MAP7: variants seen among roughly 807,000 people sequenced by gnomAD.
The protein encoded by MAP7 is microtubule associated protein 7, also known as ensconsin.
Under a neutral mutation model 94.8 loss-of-function variants are expected in MAP7, and 52 were observed. The ratio of observed to expected loss-of-function variants is 0.55; its 90% confidence interval spans 0.44 to 0.69. The LOEUF (loss-of-function observed/expected upper bound fraction) is 0.69. MAP7 is among the 30% of genes least tolerant of loss of function. The pLI is 0.00. For missense variants in MAP7, 940 were observed against 964.6 expected (o/e 0.97, Z 0.34); for synonymous variants, 350 against 357.0 (o/e 0.98, Z 0.22).
Position 136,424,479 on chromosome 6 carries a change from G to T in MAP7, c.68-2680C>A, listed in dbSNP as rs1230251870. ...GTGTTGAGGTAAAGACAAGAGGAAG[G>T]ATACAAACAAGCACCCTGGTGGTCT... is the stretch of plus-strand genomic sequence containing the variant. On this transcript the variant is annotated intron_variant, in intron 1 of 17. Coordinates refer to ENST00000354570, the MANE Select transcript of MAP7 (RefSeq NM_003980.6). 3.3e-5 allele frequency among the ~76,000 whole-genome samples: 5 copies of T among 152,268 alleles called. No individual in the cohort carries two copies. In the East Asian group the frequency reaches 9.7e-4, roughly 29 times the overall value.
chr6:136,478,979 C>CAAAAAAAAAA (rs59319740), intron 1 of MAP7, among the ~76,000 whole-genome samples: 2 of 45,534 alleles, frequency 4.4e-5, no homozygotes, highest in Non-Finnish European at 6.2e-5. Context: ...ACAGACACAT[C>CAAAAAAAAAA]AAAAAAAAAA....
intron 7 of MAP7, 60 bp downstream of exon 7, chr6:136,377,695 G>T (rs980530028): frequency 1.2e-4 from 146 of 1,255,458 alleles, no homozygotes; most frequent in East Asian, 3.0e-4. Context: ...GTGATTAGAC[G>T]AATATGCTTC....
At chr6:136,486,930 T>C (rs1002012717) in intron 1 of MAP7, among the ~76,000 whole-genome samples, 10 of 152,134 alleles carry the variant, frequency 6.6e-5, no homozygotes, top group Non-Finnish European at 1.2e-4. Context: ...TATAAAAGGT[T>C]AAACATCCCA....
At chr6:136,434,680 C>T (rs1026334883) in intron 1 of MAP7, among the ~76,000 whole-genome samples, 3 of 151,508 alleles carry the variant, frequency 2.0e-5, no homozygotes, top group Admixed American at 1.3e-4. Flanking sequence ...ATTTTGGAAC[C>T]TATTGAACAT....
At chr6:136,469,528 C>T (rs1808274757) in intron 1 of MAP7, among the ~76,000 whole-genome samples, 1 of 152,054 alleles carries the variant, frequency 6.6e-6, no homozygotes, top group Non-Finnish European at 1.5e-5. Flanking sequence ...ACCACAGGGG[C>T]ATGCCACCAT....
chr6:136,467,338 T>C (rs925248742), intron 1 of MAP7, among the ~76,000 whole-genome samples: 3 of 152,286 alleles, frequency 2.0e-5, no homozygotes, highest in Admixed American at 6.5e-5. Context: ...AAGGCGATCA[T>C]TTAAAATCAG....
intron 3 of MAP7, among the ~76,000 whole-genome samples, chr6:136,401,887 ACT>A (rs1175992201): frequency 2.0e-5 from 3 of 151,744 alleles, no homozygotes; most frequent in Non-Finnish European, 4.4e-5. Flanking sequence ...ACTACTTTAA[ACT>A]CTCATTCCTT....
At chr6:136,516,141 G>A (rs1824748027) in intron 1 of MAP7, among the ~76,000 whole-genome samples, 1 of 151,518 alleles carries the variant, frequency 6.6e-6, no homozygotes, top group African/African-American at 2.4e-5. Context: ...GCTTGGTCTG[G>A]GGACATCCTT....
chr6:136,547,072 G>C (rs1475518140), intron 1 of MAP7, among the ~76,000 whole-genome samples: 1 of 152,168 alleles, frequency 6.6e-6, no homozygotes, highest in Non-Finnish European at 1.5e-5. Context: ...ATACCAAATT[G>C]ACGTCTGAGC....
intron 1 of MAP7, among the ~76,000 whole-genome samples, chr6:136,428,334 G>A (rs1396507210): frequency 1.3e-5 from 2 of 152,120 alleles, no homozygotes; most frequent in African/African-American, 4.8e-5. Context: ...TGGTCAACAT[G>A]GTGAAACCTC....
At chr6:136,440,140 G>A (rs1334177875) in intron 1 of MAP7, among the ~76,000 whole-genome samples, 1 of 152,186 alleles carries the variant, frequency 6.6e-6, no homozygotes, top group Non-Finnish European at 1.5e-5. Flanking sequence ...CAAGTACAAT[G>A]ACAAACGGGT....
intron 1 of MAP7, among the ~76,000 whole-genome samples, chr6:136,513,279 A>G (rs1331315638): frequency 6.6e-6 from 1 of 152,178 alleles, no homozygotes; most frequent in Non-Finnish European, 1.5e-5. Context: ...AATGGACTCT[A>G]TCCTCTCAAA....
intron 1 of MAP7, among the ~76,000 whole-genome samples, chr6:136,519,494 T>C (rs1190423819): frequency 6.6e-6 from 1 of 152,158 alleles, no homozygotes; most frequent in African/African-American, 2.4e-5. Flanking sequence ...TTCTAAGACT[T>C]CTCTTGGAAA....
chr6:136,377,348 T>C (rs560576451), intron 7 of MAP7, among the ~76,000 whole-genome samples: 8 of 152,364 alleles, frequency 5.3e-5, no homozygotes, highest in African/African-American at 1.9e-4. Context: ...TATGAAACTA[T>C]ATGCTGAAAT....
chr6:136,375,742 A>G (rs1431710864), intron 7 of MAP7, among the ~76,000 whole-genome samples: 1 of 152,244 alleles, frequency 6.6e-6, no homozygotes, highest in East Asian at 1.9e-4. Flanking sequence ...AGGCAGCTCA[A>G]GTAAAGGCTA....
At chr6:136,404,192 C>A (rs1300995023) in intron 3 of MAP7, among the ~76,000 whole-genome samples, 2 of 152,130 alleles carry the variant, frequency 1.3e-5, no homozygotes, top group Non-Finnish European at 2.9e-5. Context: ...TTATTATTTA[C>A]TAATTATTAC....
At chr6:136,451,655 C>A (rs1353368505) in intron 1 of MAP7, among the ~76,000 whole-genome samples, 1 of 152,062 alleles carries the variant, frequency 6.6e-6, no homozygotes, top group Non-Finnish European at 1.5e-5. Context: ...TGGAGCCGAG[C>A]AAAGTAAATT....
chr6:136,471,012 TTATC>T (rs538891938), intron 1 of MAP7, among the ~76,000 whole-genome samples: 25 of 152,354 alleles, frequency 1.6e-4, no homozygotes, highest in Non-Finnish European at 2.5e-4. Flanking sequence ...AGAATTGCGT[TTATC>T]TAACATAAAT....
At chr6:136,365,192 C>T (rs1793945719) in intron 10 of MAP7, 1 of 152,346 alleles carries the variant, frequency 6.6e-6, no homozygotes, top group South Asian at 2.1e-4. Flanking sequence ...GTTCTATGAC[C>T]CTCCTTTCCT....
Sources: gnomAD v4.1 joint callset for allele counts (sites outside exome capture counted in the v4.1 genomes callset) on GRCh38, gnomAD v4.1.1 for gene constraint, MANE v1.5 for transcripts, NCBI Gene and HGNC (gene_info 2026-07-23, HGNC 2026-07-21) for gene names.